MME: variants seen among roughly 807,000 people sequenced by gnomAD.
MME encodes the protein membrane metalloendopeptidase.
Under a neutral mutation model 113.2 loss-of-function variants are expected in MME, and 98 were observed. The ratio of observed to expected loss-of-function variants is 0.87; its 90% CI spans 0.74 to 1.02. The LOEUF is 1.02. Among genes scored for constraint, MME ranks in the 50% least tolerant of loss-of-function variants. The pLI, the probability that MME is intolerant of heterozygous loss-of-function variation, is 0.00. For missense variants in MME, 836 were observed against 896.0 expected, an observed-to-expected ratio of 0.93 and a Z score of 0.86; for synonymous variants, 292 against 300.6, an observed-to-expected ratio of 0.97 and a Z score of 0.30.
chr3:155,069,934 C>A, intron 1 of MME, among the ~76,000 whole-genome samples: 1 of 152,096 alleles, frequency 6.6e-6, no homozygotes, highest in Non-Finnish European at 1.5e-5. Context: ...GCCCCAGAAG[C>A]AACAGGAAAT....
intron 14 of MME, among the ~76,000 whole-genome samples, chr3:155,146,934 G>A (rs925856540): frequency 2.0e-5 from 3 of 152,122 alleles, no homozygotes; most frequent in Non-Finnish European, 4.4e-5. Flanking sequence ...TAAGGATAAG[G>A]CATTAGAAAC....
intron 17 of MME, among the ~76,000 whole-genome samples, chr3:155,162,104 G>C (rs1304345071): frequency 1.3e-5 from 2 of 152,264 alleles, no homozygotes; most frequent in Non-Finnish European, 2.9e-5. Context: ...GCAGAATAAG[G>C]GATGCAGCTT....
chr3:155,126,387 A>G (rs982464163), intron 8 of MME, among the ~76,000 whole-genome samples: 2 of 147,938 alleles, frequency 1.4e-5, no homozygotes, highest in African/African-American at 2.5e-5. Flanking sequence ...CAGTCGATGT[A>G]TATATTTAAG....
At chr3:155,078,891 G>A (rs144095312), upstream of MME, among the ~76,000 whole-genome samples, 38 of 152,254 alleles carry the variant, frequency 2.5e-4, no homozygotes, top group Admixed American at 3.9e-4. Flanking sequence ...AGGAATCGCT[G>A]TGTCTTGAGT....
chr3:155,056,056 T>A (rs1713915822), intron 1 of MME, among the ~76,000 whole-genome samples: 1 of 152,122 alleles, frequency 6.6e-6, no homozygotes, highest in African/African-American at 2.4e-5. Flanking sequence ...ATTTTTCTTC[T>A]CTGTTTTTTA....
At position 155,142,192 on chromosome 3, in the gene MME, C is replaced by G. The variant is rs777931652; in HGVS notation, c.1095-45C>G. The G allele has an allele frequency of 2.5e-6, 4 of 1,612,246 alleles. No homozygotes were observed. In the East Asian group the frequency reaches 8.9e-5, roughly 36 times the overall value. ...TTCATATCACTCTTCAGAAGCTTTGCAGCCTCATCTTTTCTGTTGCTGGGC... is the reference window on the plus strand; with the variant it reads ...TTCATATCACTCTTCAGAAGCTTTGGAGCCTCATCTTTTCTGTTGCTGGGC... On this transcript the variant is annotated intron_variant, in intron 11 of 22. Transcript: ENST00000360490.
chr3:155,176,993 C>T (rs1231970488), intron 22 of MME, among the ~76,000 whole-genome samples: 1 of 152,030 alleles, frequency 6.6e-6, no homozygotes, highest in African/African-American at 2.4e-5. Context: ...TGAGTGCACA[C>T]CAGGCTGAGT....
chr3:155,128,924 C>G (rs1450108746), intron 8 of MME, among the ~76,000 whole-genome samples: 1 of 152,186 alleles, frequency 6.6e-6, no homozygotes, highest in Non-Finnish European at 1.5e-5. Context: ...GCATCAATAG[C>G]TAATAGCATA....
intron 1 of MME, among the ~76,000 whole-genome samples, chr3:155,082,699 T>C (rs1343463485): frequency 6.6e-6 from 1 of 152,236 alleles, no homozygotes; most frequent in East Asian, 1.9e-4. Flanking sequence ...TAGCCTCATG[T>C]AATCAAGGGG....
intron 1 of MME, among the ~76,000 whole-genome samples, chr3:155,047,010 C>T (rs1033250116): frequency 6.6e-6 from 1 of 152,014 alleles, no homozygotes; most frequent in Non-Finnish European, 1.5e-5. Context: ...AAGAAAGAAA[C>T]TTGTTTTATA....
At chr3:155,046,000 TAC>T (rs143226994) in intron 1 of MME, among the ~76,000 whole-genome samples, 1,992 of 152,306 alleles carry the variant, frequency 0.013, 40 homozygotes, top group African/African-American at 0.045. Flanking sequence ...GCTGAGCTTC[TAC>T]AGTCTATAAG....
At position 155,084,266 on chromosome 3, in the gene MME, C is replaced by G. The variant is rs2108167191; in HGVS notation, c.99C>G (p.Val33=). The change falls in exon 2 of 23, where the codon GTC becomes GTG. Residue 33 remains valine (V), a synonymous_variant. Coordinates refer to ENST00000360490, the MANE Select transcript of MME (RefSeq NM_007289.4). ...CTCCACTGGAGATCAGCCTCTCGGT[C>G]CTTGTCCTGCTCCTCACCATCATAG... The part of the protein sequence containing the change: ...RWTPLEISLS[V]LVLLLTIIAV... The G allele has an allele frequency of 6.2e-7, 1 of 1,614,156 alleles. No individual in the cohort carries two copies. Among genetic ancestry groups the G allele is most frequent in the East Asian group, 2.2e-5 (1 of 44,878 alleles).
chr3:155,049,667 CTATCTATA>C (rs1398724301), intron 1 of MME, among the ~76,000 whole-genome samples: 69 of 117,996 alleles, frequency 5.8e-4, no homozygotes, highest in Admixed American at 2.1e-3. Flanking sequence ...ATCTATCTAT[CTATCTATA>C]TATAGAGAGA....
intron 1 of MME, among the ~76,000 whole-genome samples, chr3:155,070,141 A>G (rs1392721249): frequency 6.6e-6 from 1 of 152,228 alleles, no homozygotes; most frequent in Non-Finnish European, 1.5e-5. Flanking sequence ...TTTCAATTAT[A>G]TACAATATTG....
At chr3:155,147,106 T>C (rs1283601827) in intron 14 of MME, 38 bp from the exon 15 acceptor site, 6 of 1,300,398 alleles carry the variant, frequency 4.6e-6, no homozygotes, top group Admixed American at 1.7e-5. Context: ...CTGAAAGTTA[T>C]ATAATCATCT....
chr3:155,119,410 C>CTTT (rs781633297), intron 8 of MME, among the ~76,000 whole-genome samples: 2 of 112,278 alleles, frequency 1.8e-5, no homozygotes, highest in Admixed American at 9.3e-5. Flanking sequence ...TTCACGTGCT[C>CTTT]TTTTTTTTTT....
chr3:155,116,155 G>C (rs1290322048), intron 4 of MME, among the ~76,000 whole-genome samples: 1 of 147,560 alleles, frequency 6.8e-6, no homozygotes, highest in Admixed American at 6.7e-5. Context: ...TTCAAGAAAA[G>C]TAACTGTTAC....
Position 155,115,142 on chromosome 3 carries a change from A to G in MME, c.345A>G (p.Glu115=). The G allele has an allele frequency of 6.2e-7, 1 of 1,614,114 alleles. No homozygotes were observed. Among genetic ancestry groups the G allele is most frequent in the Non-Finnish European group, 8.5e-7 (1 of 1,179,986 alleles). ...GNFDILRDEL[E]VVLKDVLQEP... is the part of the protein sequence containing the mutation. Reference sequence around the variant, plus strand: ...TTGACATTTTAAGAGATGAACTAGAAGTCGTTTTGAAAGGTTAGTAGAGAT... The same window carrying G: ...TTGACATTTTAAGAGATGAACTAGAGGTCGTTTTGAAAGGTTAGTAGAGAT... The change falls in exon 4 of 23, where the codon GAA becomes GAG. Residue 115 remains glutamate (E), a synonymous_variant. Transcript: ENST00000360490.
At chr3:155,157,125 C>T (rs758199071) in intron 16 of MME, among the ~76,000 whole-genome samples, 4 of 152,122 alleles carry the variant, frequency 2.6e-5, no homozygotes, top group African/African-American at 4.8e-5. Context: ...GAGGGCCATA[C>T]TGCTTCTAGT....
Sources: gnomAD v4.1 joint callset for allele counts (sites outside exome capture counted in the v4.1 genomes callset) on GRCh38, gnomAD v4.1.1 for gene constraint, MANE v1.5 for transcripts, NCBI Gene and HGNC (gene_info 2026-07-23, HGNC 2026-07-21) for gene names.